CACNA1D: variants seen among roughly 807,000 people sequenced by gnomAD.
The protein encoded by CACNA1D is calcium voltage-gated channel subunit alpha1 D.
In CACNA1D, 55 loss-of-function variants were observed where a neutral mutation model predicts 257.1. The observed-to-expected ratio is 0.21, with a 90% confidence interval of 0.17 to 0.27. The LOEUF (loss-of-function observed/expected upper bound fraction) is 0.27. Among genes scored for constraint, CACNA1D ranks in the 10% least tolerant of loss-of-function variants. The probability of loss-of-function intolerance (pLI) is 1.00; values close to 1 mark genes in which losing one functional copy is unlikely to be tolerated. For synonymous variants in CACNA1D, 980 were observed against 1,014.9 expected (o/e 0.97, Z 0.65); for missense variants, 1,876 against 2,784.0 (o/e 0.67, Z 7.34).
At chr3:53,584,657 G>C (rs1301530695) in intron 3 of CACNA1D, among the ~76,000 whole-genome samples, 1 of 152,212 alleles carries the variant, frequency 6.6e-6, no homozygotes, top group East Asian at 1.9e-4. Flanking sequence ...TGGGGGTTTT[G>C]TTCCCCAGCT....
At chr3:53,782,748 AATG>A (rs1423165792) in intron 39 of CACNA1D, 1 of 152,252 alleles carries the variant, frequency 6.6e-6, no homozygotes, top group Non-Finnish European at 1.5e-5. Context: ...CCCAGAAAGA[AATG>A]ATAAAAGGAA....
intron 3 of CACNA1D, among the ~76,000 whole-genome samples, chr3:53,582,650 T>C (rs1484733216): frequency 6.6e-6 from 1 of 152,112 alleles, no homozygotes; most frequent in Non-Finnish European, 1.5e-5. Flanking sequence ...ATCTGGTTGC[T>C]CAATAGCAGC....
intron 3 of CACNA1D, among the ~76,000 whole-genome samples, chr3:53,590,726 C>T (rs1214163195): frequency 1.3e-5 from 2 of 152,166 alleles, no homozygotes; most frequent in Non-Finnish European, 2.9e-5. Context: ...GCCTGGGCGG[C>T]CGGGCACCCT....
Sources: gnomAD v4.1 joint callset for allele counts (sites outside exome capture counted in the v4.1 genomes callset) on GRCh38, gnomAD v4.1.1 for gene constraint, MANE v1.5 for transcripts, NCBI Gene and HGNC (gene_info 2026-07-23, HGNC 2026-07-21) for gene names.